Variants in GDAP1L1 observed in about 807,000 individuals in gnomAD.
GDAP1L1 encodes ganglioside induced differentiation associated protein 1 like 1.
GDAP1L1 carries 21 observed loss-of-function variants against 37.1 expected under a neutral mutation model. The observed-to-expected ratio is 0.57, with a 90% CI of 0.40 to 0.81. The LOEUF (loss-of-function observed/expected upper bound fraction) is 0.81. Ranked by LOEUF, GDAP1L1 falls within the 40% of genes least tolerant of loss-of-function variation. The pLI is 0.00. For missense variants in GDAP1L1, 362 were observed against 491.6 expected (o/e 0.74, Z 2.49); for synonymous variants, 193 against 209.1 (o/e 0.92, Z 0.67).
At chr20:44,267,790 C>T (rs2062470978) in intron 5 of GDAP1L1, among the ~76,000 whole-genome samples, 1 of 152,094 alleles carries the variant, frequency 6.6e-6, no homozygotes, top group African/African-American at 2.4e-5. Flanking sequence ...TGGATGGAGG[C>T]TAGGGTGGAT....
At chr20:44,277,049 G>C (rs1489989917) in intron 5 of GDAP1L1, among the ~76,000 whole-genome samples, 1 of 151,918 alleles carries the variant, frequency 6.6e-6, no homozygotes, top group East Asian at 1.9e-4. Flanking sequence ...TTCGAGATGG[G>C]GTTTCGCTCT....
At chr20:44,265,852 G>A (rs1471644190) in intron 5 of GDAP1L1, among the ~76,000 whole-genome samples, 2 of 152,186 alleles carry the variant, frequency 1.3e-5, no homozygotes, top group African/African-American at 4.8e-5. Flanking sequence ...CCCTCTCGAT[G>A]GGTCCAGTGT....
chr20:44,255,528 C>G (rs58279415), intron 1 of GDAP1L1, among the ~76,000 whole-genome samples: 3,613 of 116,144 alleles, frequency 0.031, 165 homozygotes, highest in African/African-American at 0.12. Context: ...AGCAACAGAG[C>G]GAGACTCTGT....
At chr20:44,253,563 C>A (rs541308151) in intron 1 of GDAP1L1, among the ~76,000 whole-genome samples, 3 of 152,180 alleles carry the variant, frequency 2.0e-5, no homozygotes, top group East Asian at 1.9e-4. Flanking sequence ...CATGACAATG[C>A]GGCACTGTGG....
chr20:44,259,288 G>C (rs547453275), intron 3 of GDAP1L1, among the ~76,000 whole-genome samples: 1 of 152,246 alleles, frequency 6.6e-6, no homozygotes, highest in South Asian at 2.1e-4. Context: ...TACAGACTAC[G>C]ATCCAGGCTT....
chr20:44,274,991 C>G (rs925875286), intron 5 of GDAP1L1, among the ~76,000 whole-genome samples: 1 of 152,174 alleles, frequency 6.6e-6, no homozygotes, highest in Non-Finnish European at 1.5e-5. Context: ...CTTCCGGGCT[C>G]GAGCCATCCT....
In GDAP1L1 at chr20:44,257,195, C is replaced by A; in HGVS notation, c.223C>A (p.Arg75=). The change falls in exon 2 of 6, where the codon CGG becomes AGG. Residue 75 remains arginine, a synonymous_variant. Coordinates refer to ENST00000342560, the MANE Select transcript of GDAP1L1 (RefSeq NM_024034.6). The stretch of plus-strand genomic sequence containing the variant: ...CGAGAAGGGCCTGGTGTGCGAGGAG[C>A]GGGACGTGAGCCTGCCACAGAGCGA... ...IAEKGLVCEE[R]DVSLPQSEHK... 1 of 1,607,414 alleles carries A rather than the reference C, an allele frequency of 6.2e-7. No homozygotes were observed.
At chr20:44,263,371 T>G (rs374087698) in intron 4 of GDAP1L1, 44 bp downstream of exon 4, 268 of 1,176,614 alleles carry the variant, frequency 2.3e-4, no homozygotes, top group Non-Finnish European at 2.9e-4. Context: ...CTACGAGCTC[T>G]TCCACGGAAA....
chr20:44,260,655 C>T (rs568076830), intron 3 of GDAP1L1, among the ~76,000 whole-genome samples: 19 of 152,206 alleles, frequency 1.2e-4, no homozygotes, highest in African/African-American at 3.4e-4. Context: ...AATGCAGCAG[C>T]GACCGAGGAT....
intron 5 of GDAP1L1, among the ~76,000 whole-genome samples, chr20:44,269,364 C>T (rs1370009445): frequency 1.3e-5 from 2 of 151,968 alleles, no homozygotes; most frequent in African/African-American, 4.8e-5. Flanking sequence ...GGCATGTGTA[C>T]AGGAATGGGA....
intron 5 of GDAP1L1, among the ~76,000 whole-genome samples, chr20:44,275,226 A>T (rs1434584574): frequency 2.0e-5 from 3 of 152,200 alleles, no homozygotes; most frequent in Non-Finnish European, 4.4e-5. Context: ...CTATTCAAGG[A>T]TAACCTTCTG....
At position 44,247,793 on chromosome 20, in the gene GDAP1L1, T is replaced by TGGG. The variant is rs750857049; in HGVS notation, c.180+279_180+280insGGG. 9.1e-5 allele frequency among the ~76,000 whole-genome samples: 7 copies of TGGG among 77,262 alleles called. No individual in the cohort carries two copies. The East Asian group carries it at 1.5e-3, about 17-fold the overall frequency. The allele number at this position is 77,262 out of a possible 152,430, so 50.7% of individuals were successfully genotyped here. On this transcript the variant is annotated intron_variant, in intron 1 of 5. Coordinates refer to ENST00000342560, the MANE Select transcript of GDAP1L1 (RefSeq NM_024034.6). Reference sequence around the variant, plus strand: ...CCGGTCTGTTGGGGTGCGGGGCGGGTTGGGGGGGCTGAGAAAAGAGACAAA... The same window carrying TGGG: ...CCGGTCTGTTGGGGTGCGGGGCGGGTGGGTGGGGGGGCTGAGAAAAGAGACAAA...
intron 5 of GDAP1L1, among the ~76,000 whole-genome samples, chr20:44,277,374 A>G (rs1210439071): frequency 6.6e-6 from 1 of 152,184 alleles, no homozygotes; most frequent in Non-Finnish European, 1.5e-5. Flanking sequence ...GCAGGAGAAG[A>G]TTGAGGCAGG....
chr20:44,274,999 C>T, intron 5 of GDAP1L1, among the ~76,000 whole-genome samples: 1 of 152,140 alleles, frequency 6.6e-6, no homozygotes, highest in Non-Finnish European at 1.5e-5. Context: ...CTCGAGCCAT[C>T]CTCCTGCCTC....
chr20:44,249,818 C>A (rs1250585957), intron 1 of GDAP1L1, among the ~76,000 whole-genome samples: 1 of 152,202 alleles, frequency 6.6e-6, no homozygotes, highest in Non-Finnish European at 1.5e-5. Flanking sequence ...GCAGAAAGGG[C>A]ATGGGCTCTG....
At chr20:44,254,505 A>G (rs992304656) in intron 1 of GDAP1L1, among the ~76,000 whole-genome samples, 1 of 152,210 alleles carries the variant, frequency 6.6e-6, no homozygotes, top group African/African-American at 2.4e-5. Context: ...TGCCTCCTGC[A>G]AGGTTGTGAA....
intron 1 of GDAP1L1, among the ~76,000 whole-genome samples, chr20:44,254,518 T>C (rs1423016326): frequency 6.6e-6 from 1 of 152,220 alleles, no homozygotes; most frequent in African/African-American, 2.4e-5. Context: ...GTTGTGAATG[T>C]AGTAGTGTCA....
Position 44,247,457 on chromosome 20 carries a change from T to C in GDAP1L1, c.123T>C (p.His41=), listed in dbSNP as rs554464197. The change falls in exon 1 of 6, where the codon CAT becomes CAC. Residue 41 remains histidine (H), a synonymous_variant. Transcript: ENST00000342560. ...CTCCCGAGGCGGCCAGCCCCGCCCA[T>C]TGGCCCAGGGAGAGCCTGGTTCTGT... ...PDAPEAASPA[H]WPRESLVLYH... 5.6e-6 allele frequency: 9 copies of C among 1,606,000 alleles called. No homozygotes were observed. The African/African-American group carries it at 9.4e-5, about 17-fold the overall frequency.
chr20:44,277,494 GA>G (rs1427166545), intron 5 of GDAP1L1, among the ~76,000 whole-genome samples: 1 of 152,188 alleles, frequency 6.6e-6, no homozygotes, highest in African/African-American at 2.4e-5. Flanking sequence ...AGCAGACTCT[GA>G]GGTCTGAAAG....
Sources: gnomAD v4.1 joint callset for allele counts (sites outside exome capture counted in the v4.1 genomes callset) on GRCh38, gnomAD v4.1.1 for gene constraint, MANE v1.5 for transcripts, NCBI Gene and HGNC (gene_info 2026-07-23, HGNC 2026-07-21) for gene names.